Variants in NRXN3 observed in about 807,000 individuals in gnomAD.
The protein encoded by NRXN3 is neurexin III.
A neutral mutation model predicts 137.6 loss-of-function variants in NRXN3; 32 were observed. That is an observed-to-expected ratio of 0.23 (90% CI 0.18 to 0.31). The LOEUF is 0.31. Among genes scored for constraint, NRXN3 ranks in the 10% least tolerant of loss-of-function variants. The pLI, the probability that NRXN3 is intolerant of heterozygous loss-of-function variation, is 1.00. For synonymous variants in NRXN3, 798 were observed against 784.5 expected (o/e 1.02, Z -0.29); for missense variants, 1,574 against 2,062.5 (o/e 0.76, Z 4.59).
intron 15 of NRXN3, among the ~76,000 whole-genome samples, chr14:79,302,133 T>C (rs1052145532): frequency 2.0e-5 from 3 of 152,056 alleles, no homozygotes; most frequent in African/African-American, 7.2e-5. Context: ...TGGGTTGTAA[T>C]AATAATGGTA....
chr14:79,244,500 G>T (rs535764323), intron 15 of NRXN3, among the ~76,000 whole-genome samples: 4 of 152,204 alleles, frequency 2.6e-5, no homozygotes, highest in South Asian at 2.1e-4. Context: ...GCATATTGGT[G>T]GGGGGTGACA....
At chr14:79,810,675 T>C (rs1160675779) in intron 20 of NRXN3, among the ~76,000 whole-genome samples, 3 of 152,202 alleles carry the variant, frequency 2.0e-5, no homozygotes, top group South Asian at 4.1e-4. Flanking sequence ...TCACATCTAG[T>C]ATTTTCCAGG....
intron 4 of NRXN3, among the ~76,000 whole-genome samples, chr14:78,399,533 T>G (rs886976604): frequency 6.6e-6 from 1 of 152,214 alleles, no homozygotes. Flanking sequence ...GCTCTCAGAC[T>G]CAGTGCATGA....
intron 19 of NRXN3, among the ~76,000 whole-genome samples, chr14:79,749,982 T>C (rs1317025669): frequency 2.0e-5 from 3 of 152,166 alleles, no homozygotes; most frequent in Admixed American, 2.0e-4. Context: ...ACTTGTGCAC[T>C]GTCAAGAATC....
chr14:78,516,794 T>A (rs2096214635), intron 4 of NRXN3, among the ~76,000 whole-genome samples: 2 of 152,092 alleles, frequency 1.3e-5, no homozygotes, highest in Admixed American at 6.6e-5. Flanking sequence ...ACTTGGGAAA[T>A]AACTATAGTT....
At chr14:78,187,067 G>A (rs1237302524) in intron 1 of NRXN3, among the ~76,000 whole-genome samples, 1 of 152,228 alleles carries the variant, frequency 6.6e-6, no homozygotes, top group South Asian at 2.1e-4. Context: ...AGTTATCAAG[G>A]GGCTACTTTG....
At chr14:79,652,612 T>G (rs1211782775) in intron 16 of NRXN3, among the ~76,000 whole-genome samples, 1 of 152,138 alleles carries the variant, frequency 6.6e-6, no homozygotes, top group African/African-American at 2.4e-5. Context: ...AAAGAGCACA[T>G]AGCTTTGAAA....
At chr14:79,423,694 T>C (rs1378723962) in intron 15 of NRXN3, among the ~76,000 whole-genome samples, 3 of 152,162 alleles carry the variant, frequency 2.0e-5, no homozygotes, top group Non-Finnish European at 4.4e-5. Flanking sequence ...ATCAGGCCAA[T>C]TGGGCATAAC....
At chr14:79,450,090 C>T (rs988011526) in intron 15 of NRXN3, among the ~76,000 whole-genome samples, 1 of 151,850 alleles carries the variant, frequency 6.6e-6, no homozygotes, top group Non-Finnish European at 1.5e-5. Flanking sequence ...TCTCTCTCTC[C>T]CTCTCTCCAC....
At chr14:79,149,260 A>C (rs111693446) in intron 15 of NRXN3, among the ~76,000 whole-genome samples, 29 of 152,112 alleles carry the variant, frequency 1.9e-4, no homozygotes, top group Middle Eastern at 3.4e-3. Flanking sequence ...CCCAGTCTGC[A>C]CTGACCTTTG....
At chr14:78,625,089 C>A (rs1020348724) in intron 4 of NRXN3, among the ~76,000 whole-genome samples, 6 of 152,206 alleles carry the variant, frequency 3.9e-5, no homozygotes, top group Non-Finnish European at 1.5e-5. Context: ...ATCCACCCGC[C>A]TTGGCCTCCC....
intron 10 of NRXN3, among the ~76,000 whole-genome samples, chr14:78,919,184 A>G (rs1160586035): frequency 6.6e-6 from 1 of 152,250 alleles, no homozygotes; most frequent in Non-Finnish European, 1.5e-5. Context: ...GGATTGAAAT[A>G]AATGACTTCT....
At chr14:78,241,264 C>T (rs1001286432) in intron 1 of NRXN3, among the ~76,000 whole-genome samples, 4 of 152,120 alleles carry the variant, frequency 2.6e-5, no homozygotes, top group African/African-American at 7.2e-5. Context: ...ACACAAATAA[C>T]CCCTCCTCCT....
intron 4 of NRXN3, among the ~76,000 whole-genome samples, chr14:78,442,598 A>C (rs1320252528): frequency 6.6e-6 from 1 of 152,200 alleles, no homozygotes; most frequent in Non-Finnish European, 1.5e-5. Flanking sequence ...CTGAAAGGGA[A>C]GACAGGGAGA....
At chr14:79,387,438 A>G (rs2094669996) in intron 15 of NRXN3, among the ~76,000 whole-genome samples, 1 of 151,936 alleles carries the variant, frequency 6.6e-6, no homozygotes, top group African/African-American at 2.4e-5. Flanking sequence ...GCGATCATTA[A>G]AAAGTTAGGA....
intron 10 of NRXN3, among the ~76,000 whole-genome samples, chr14:78,886,340 A>G (rs529796457): frequency 1.3e-5 from 2 of 152,282 alleles, no homozygotes; most frequent in South Asian, 4.1e-4. Context: ...CCATTATTGT[A>G]TATAGTGCCT....
chr14:78,748,468 G>T (rs1315988694), intron 8 of NRXN3, among the ~76,000 whole-genome samples: 1 of 152,158 alleles, frequency 6.6e-6, no homozygotes, highest in Admixed American at 6.5e-5. Flanking sequence ...AAGTTAGGGG[G>T]TTTATTCTCA....
chr14:78,614,586 G>A (rs538176198), intron 4 of NRXN3, among the ~76,000 whole-genome samples: 2 of 151,782 alleles, frequency 1.3e-5, no homozygotes, highest in African/African-American at 4.8e-5. Flanking sequence ...AGACCTGTGG[G>A]CTCTTAAAGG....
intron 10 of NRXN3, among the ~76,000 whole-genome samples, chr14:78,926,604 A>G (rs1268247439): frequency 1.7e-5 from 2 of 115,954 alleles, no homozygotes; most frequent in African/African-American, 6.3e-5. Flanking sequence ...AAAATTATAT[A>G]TATATATATA....
Sources: gnomAD v4.1 joint callset for allele counts (sites outside exome capture counted in the v4.1 genomes callset) on GRCh38, gnomAD v4.1.1 for gene constraint, MANE v1.5 for transcripts, NCBI Gene and HGNC (gene_info 2026-07-23, HGNC 2026-07-21) for gene names.